The following GPC6 variants were observed in gnomAD, a reference collection of about 807,000 sequenced individuals.
The protein encoded by GPC6 is glypican-6.
Under a neutral mutation model 55.2 loss-of-function variants are expected in GPC6, and 14 were observed. That is an observed-to-expected ratio of 0.25 (90% CI 0.17 to 0.40). GPC6 has a LOEUF of 0.40. Among genes scored for constraint, GPC6 ranks in the 10% least tolerant of loss-of-function variants. The pLI, the probability that GPC6 is intolerant of heterozygous loss-of-function variation, is 1.00. For missense variants in GPC6, 641 were observed against 708.5 expected (o/e 0.90, Z 1.08); for synonymous variants, 278 against 259.6 (o/e 1.07, Z -0.68).
chr13:93,828,014 T>TC (rs1444427079), intron 2 of GPC6, among the ~76,000 whole-genome samples: 101 of 152,272 alleles, frequency 6.6e-4, no homozygotes, highest in Non-Finnish European at 1.6e-4. Flanking sequence ...ATTTTTTTTT[T>TC]TCTCTTTCTC....
At chr13:93,241,511 AT>A (rs1332897208) in intron 1 of GPC6, among the ~76,000 whole-genome samples, 1 of 151,812 alleles carries the variant, frequency 6.6e-6, no homozygotes, top group African/African-American at 2.4e-5. Context: ...TTTTGTTTTG[AT>A]TTTTTGATTT....
intron 2 of GPC6, among the ~76,000 whole-genome samples, chr13:93,776,160 G>A (rs558378100): frequency 1.3e-5 from 2 of 151,870 alleles, no homozygotes; most frequent in Admixed American, 1.3e-4. Flanking sequence ...CATAAAAATA[G>A]TACAATCTAG....
intron 2 of GPC6, among the ~76,000 whole-genome samples, chr13:93,677,868 T>C (rs575577220): frequency 1.3e-5 from 2 of 152,272 alleles, no homozygotes; most frequent in South Asian, 4.1e-4. Context: ...TGGGATAAAA[T>C]GGATAATACT....
At chr13:94,081,935 G>T (rs530505024) in intron 4 of GPC6, among the ~76,000 whole-genome samples, 34 of 149,662 alleles carry the variant, frequency 2.3e-4, no homozygotes, top group African/African-American at 8.2e-4. Flanking sequence ...CCACCTCCCG[G>T]ATTCAAGCAA....
intron 6 of GPC6, among the ~76,000 whole-genome samples, chr13:94,371,856 A>T (rs1212344928): frequency 6.6e-6 from 1 of 152,228 alleles, no homozygotes; most frequent in East Asian, 1.9e-4. Context: ...TAAGTATCTC[A>T]GCGTGAATCT....
intron 1 of GPC6, among the ~76,000 whole-genome samples, chr13:93,522,495 G>T (rs2139401358): frequency 6.6e-6 from 1 of 151,884 alleles, no homozygotes; most frequent in East Asian, 1.9e-4. Context: ...CATATGTATG[G>T]ACTATGATTA....
At chr13:93,334,290 C>G (rs897491801) in intron 1 of GPC6, among the ~76,000 whole-genome samples, 14 of 151,996 alleles carry the variant, frequency 9.2e-5, no homozygotes, top group African/African-American at 3.4e-4. Context: ...AAAATCTTAC[C>G]TTGTTCTTCT....
intron 6 of GPC6, among the ~76,000 whole-genome samples, chr13:94,368,103 C>A (rs565849241): frequency 6.8e-6 from 1 of 147,750 alleles, no homozygotes; most frequent in Non-Finnish European, 1.5e-5. Context: ...GAGCCGAGAT[C>A]GCACCACTGC....
rs139779988 is a variant in GPC6, at chr13:93,744,314, G to A, written c.320-85840G>A. 3.0e-4 allele frequency among the ~76,000 whole-genome samples: 46 copies of A among 152,126 alleles called. No individual in the cohort carries two copies. The East Asian group carries it at 8.8e-3, about 29-fold the overall frequency. On this transcript the variant is annotated intron_variant, in intron 2 of 8. Transcript: ENST00000377047. ...TCAGCTCAGTCCTTACATTGATGAA[G>A]CTCGTCTCTACCCATGAACTGCTGC...
At chr13:93,263,191 C>T (rs879343048) in intron 1 of GPC6, among the ~76,000 whole-genome samples, 4 of 152,236 alleles carry the variant, frequency 2.6e-5, no homozygotes, top group Non-Finnish European at 5.9e-5. Flanking sequence ...TCAAATTCAA[C>T]ACCATGTTGG....
chr13:93,756,070 C>T (rs1012813810), intron 2 of GPC6, among the ~76,000 whole-genome samples: 2 of 152,062 alleles, frequency 1.3e-5, no homozygotes, highest in African/African-American at 4.8e-5. Flanking sequence ...GGCATTCTAT[C>T]TCTATTTCTT....
intron 4 of GPC6, among the ~76,000 whole-genome samples, chr13:94,248,169 T>C (rs1311243058): frequency 6.6e-6 from 1 of 152,062 alleles, no homozygotes; most frequent in Admixed American, 6.6e-5. Flanking sequence ...GCCTTAAGAG[T>C]CATGTCTTTA....
chr13:93,809,218 C>T (rs1594475598), intron 2 of GPC6, among the ~76,000 whole-genome samples: 3 of 152,300 alleles, frequency 2.0e-5, no homozygotes, highest in Middle Eastern at 6.8e-3. Context: ...AGATGGCTAC[C>T]TTCCTTGCCC....
At chr13:93,251,545 T>C (rs1414073472) in intron 1 of GPC6, among the ~76,000 whole-genome samples, 1 of 152,238 alleles carries the variant, frequency 6.6e-6, no homozygotes, top group Non-Finnish European at 1.5e-5. Flanking sequence ...TGGGATTCCT[T>C]GCAGATACTA....
chr13:94,104,852 G>C (rs1419054566), intron 4 of GPC6, among the ~76,000 whole-genome samples: 1 of 152,130 alleles, frequency 6.6e-6, no homozygotes, highest in Non-Finnish European at 1.5e-5. Context: ...CCATGCTCAT[G>C]GGTAGGAAGA....
At chr13:93,255,909 G>A (rs1440178169) in intron 1 of GPC6, among the ~76,000 whole-genome samples, 2 of 151,994 alleles carry the variant, frequency 1.3e-5, no homozygotes, top group Non-Finnish European at 2.9e-5. Flanking sequence ...CAAAGTTGAT[G>A]GATTACTGGA....
chr13:94,243,401 A>T (rs9524385), intron 4 of GPC6, among the ~76,000 whole-genome samples: 26,258 of 151,808 alleles, frequency 0.17, 2,609 homozygotes, highest in East Asian at 0.42. Flanking sequence ...TTGCTTCCAG[A>T]AAAAAAATCA....
chr13:93,809,065 A>C (rs1414771476), intron 2 of GPC6, among the ~76,000 whole-genome samples: 1 of 152,220 alleles, frequency 6.6e-6, no homozygotes, highest in East Asian at 1.9e-4. Flanking sequence ...AAATATATTC[A>C]TTTTAAGAGA....
intron 4 of GPC6, among the ~76,000 whole-genome samples, chr13:94,061,151 G>C (rs560600216): frequency 2.0e-4 from 30 of 152,288 alleles, no homozygotes; most frequent in East Asian, 3.9e-4. Flanking sequence ...TAAAATAAAT[G>C]TAATTGTTTT....
Sources: gnomAD v4.1 joint callset for allele counts (sites outside exome capture counted in the v4.1 genomes callset) on GRCh38, gnomAD v4.1.1 for gene constraint, MANE v1.5 for transcripts, NCBI Gene and HGNC (gene_info 2026-07-23, HGNC 2026-07-21) for gene names.